Variants in PRKCA observed in about 807,000 individuals in gnomAD.
The protein encoded by PRKCA is protein kinase C alpha.
In PRKCA, 27 loss-of-function variants were observed where a neutral mutation model predicts 87.0. The ratio of observed to expected loss-of-function variants is 0.31; its 90% CI spans 0.23 to 0.43. The LOEUF is 0.43. Ranked by LOEUF, PRKCA falls within the 20% of genes least tolerant of loss-of-function variation. PRKCA has a pLI of 1.00. For missense variants in PRKCA, 518 were observed against 852.3 expected (o/e 0.61, Z 4.88); for synonymous variants, 329 against 311.1 (o/e 1.06, Z -0.61).
intron 3 of PRKCA, among the ~76,000 whole-genome samples, chr17:66,628,782 C>T (rs1288485531): frequency 6.6e-6 from 1 of 152,146 alleles, no homozygotes; most frequent in Non-Finnish European, 1.5e-5. Context: ...AATCCCAGCA[C>T]TTGGGGAGGC....
intron 2 of PRKCA, among the ~76,000 whole-genome samples, chr17:66,387,298 T>A (rs1804091671): frequency 6.6e-6 from 1 of 152,186 alleles, no homozygotes. Context: ...AAAGTTGAGA[T>A]TTCTGGATAC....
At chr17:66,711,256 GCATA>G (rs1334404863) in intron 8 of PRKCA, among the ~76,000 whole-genome samples, 1 of 152,062 alleles carries the variant, frequency 6.6e-6, no homozygotes, top group Non-Finnish European at 1.5e-5. Context: ...AGTTTTATAG[GCATA>G]CATCTGCATT....
At chr17:66,407,700 C>A (rs947785513) in intron 2 of PRKCA, among the ~76,000 whole-genome samples, 1 of 151,664 alleles carries the variant, frequency 6.6e-6, no homozygotes, top group African/African-American at 2.4e-5. Flanking sequence ...AAATGTTTTG[C>A]ATTTTTTGTT....
At chr17:66,305,343 G>A (rs1311799486) in intron 1 of PRKCA, among the ~76,000 whole-genome samples, 1 of 152,182 alleles carries the variant, frequency 6.6e-6, no homozygotes, top group African/African-American at 2.4e-5. Context: ...CATTCTATGT[G>A]AAGCAAGAGA....
intron 2 of PRKCA, 44 bp downstream of exon 2, chr17:66,306,171 TA>T: frequency 1.3e-6 from 2 of 1,544,822 alleles, no homozygotes; most frequent in Non-Finnish European, 1.8e-6. Flanking sequence ...CAACATGAAA[TA>T]AGCATTCCAA....
At chr17:66,681,541 T>C (rs1972494053) in intron 5 of PRKCA, among the ~76,000 whole-genome samples, 1 of 152,206 alleles carries the variant, frequency 6.6e-6, no homozygotes. Context: ...TAAGACTTAC[T>C]TTGTCCTGGG....
At chr17:66,758,632 G>A (rs140131064) in intron 13 of PRKCA, among the ~76,000 whole-genome samples, 1 of 152,142 alleles carries the variant, frequency 6.6e-6, no homozygotes, top group African/African-American at 2.4e-5. Flanking sequence ...GACTGTGGAC[G>A]ACTCTTAATA....
intron 5 of PRKCA, among the ~76,000 whole-genome samples, chr17:66,682,735 A>G (rs940299737): frequency 2.0e-5 from 3 of 151,488 alleles, no homozygotes; most frequent in African/African-American, 4.8e-5. Flanking sequence ...TTGTTTCCTT[A>G]TCTTAATTCT....
intron 2 of PRKCA, among the ~76,000 whole-genome samples, chr17:66,473,827 G>A (rs1915428916): frequency 6.6e-6 from 1 of 152,156 alleles, no homozygotes; most frequent in African/African-American, 2.4e-5. Flanking sequence ...CTAGCTACTC[G>A]GGAGGCTGAG....
At chr17:66,344,207 C>T (rs1907218088) in intron 2 of PRKCA, among the ~76,000 whole-genome samples, 1 of 152,084 alleles carries the variant, frequency 6.6e-6, no homozygotes, top group Non-Finnish European at 1.5e-5. Context: ...TTGAAGTGCT[C>T]CTAGGAGCCA....
chr17:66,442,609 C>T (rs1913830566), intron 2 of PRKCA, among the ~76,000 whole-genome samples: 1 of 152,140 alleles, frequency 6.6e-6, no homozygotes, highest in South Asian at 2.1e-4. Context: ...CTCTCCTCAT[C>T]ACCCACACTT....
chr17:66,613,691 G>C lies in PRKCA; in HGVS notation c.289-27664G>C, dbSNP rs1970435698. On this transcript the variant is annotated intron_variant, in intron 3 of 16. Transcript: ENST00000413366. ...CGATTCACATGGCCATCTCCTCTCT[G>C]TGTATCTTTGTGTGTGTGTCCTTTT... Among the ~76,000 whole-genome samples the C allele has an allele frequency of 2.0e-5, 3 of 149,532 alleles. No homozygotes were observed. In the South Asian group the frequency reaches 6.4e-4, roughly 32 times the overall value.
At chr17:66,735,346 G>T (rs1440193390) in intron 9 of PRKCA, 143 bp from the exon 10 acceptor site, 1 of 835,524 alleles carries the variant, frequency 1.2e-6, no homozygotes, top group Admixed American at 2.5e-5. Context: ...TTACAAATTT[G>T]CACATAAAGT....
In PRKCA at chr17:66,786,906, T is replaced by C; in HGVS notation, c.1645T>C (p.Ser549Pro). 6.2e-7 allele frequency: 1 copy of C among 1,614,180 alleles called. No homozygotes were observed. The highest frequency in any genetic ancestry group is 8.5e-7 in the Non-Finnish European group (1 of 1,180,012). Residue 549 changes from serine to proline, a missense_variant, in exon 15 of 17, where the codon TCT (serine) becomes CCT (proline). Around this residue, in one of 5 missense-constraint regions of PRKCA, gnomAD observed 159 missense variants for 232.4 expected, o/e 0.68. Coordinates refer to ENST00000413366, the MANE Select transcript of PRKCA (RefSeq NM_002737.3). ...DGEDEDELFQSIMEHNVSYPK... is the reference protein window; with the variant it reads ...DGEDEDELFQPIMEHNVSYPK... ...TGAAGATGAAGACGAGCTATTTCAG[T>C]CTATCATGGAGCACAACGTTTCCTA...
At chr17:66,716,068 A>T (rs1289937912) in intron 8 of PRKCA, among the ~76,000 whole-genome samples, 1 of 152,064 alleles carries the variant, frequency 6.6e-6, no homozygotes. Context: ...TGCTGCAAAG[A>T]AGTCAAGGGT....
chr17:66,737,080 C>T (rs538873684), intron 10 of PRKCA, among the ~76,000 whole-genome samples: 42 of 151,824 alleles, frequency 2.8e-4, no homozygotes, highest in Non-Finnish European at 4.6e-4. Context: ...TGGCCGGGCG[C>T]GGTGGCTCAC....
intron 2 of PRKCA, among the ~76,000 whole-genome samples, chr17:66,462,966 A>G (rs73996218): frequency 0.067 from 9,652 of 144,170 alleles, 1,031 homozygotes; most frequent in African/African-American, 0.23. Context: ...ACACACACAC[A>G]TTTATGAGTC....
At chr17:66,352,033 CTG>C (rs1907774983) in intron 2 of PRKCA, among the ~76,000 whole-genome samples, 1 of 152,192 alleles carries the variant, frequency 6.6e-6, no homozygotes, top group South Asian at 2.1e-4. Flanking sequence ...ACACAAGTCT[CTG>C]TTTAAATTCC....
At chr17:66,737,718 C>T (rs1169851439) in intron 10 of PRKCA, among the ~76,000 whole-genome samples, 1 of 152,322 alleles carries the variant, frequency 6.6e-6, no homozygotes, top group Non-Finnish European at 1.5e-5. Context: ...TGCTCCCAGC[C>T]GTTCCCACTG....
Sources: allele counts gnomAD v4.1 joint callset (sites outside exome capture counted in the v4.1 genomes callset), GRCh38; gene constraint gnomAD v4.1.1; regional missense constraint gnomAD v4.1.1; transcripts MANE v1.5; gene names NCBI Gene and HGNC (gene_info 2026-07-23, HGNC 2026-07-21).